The following PTPRM variants were observed in gnomAD, a reference collection of about 807,000 sequenced individuals.
PTPRM encodes the protein receptor-type tyrosine-protein phosphatase mu.
PTPRM carries 47 observed loss-of-function variants against 186.7 expected under a neutral mutation model. The observed-to-expected ratio is 0.25, with a 90% confidence interval of 0.20 to 0.32. The LOEUF is 0.32. Among genes scored for constraint, PTPRM ranks in the 10% least tolerant of loss-of-function variants. The probability of loss-of-function intolerance (pLI) is 1.00; values close to 1 mark genes in which losing one functional copy is unlikely to be tolerated. For missense variants in PTPRM, 1,494 were observed against 1,865.0 expected (o/e 0.80, Z 3.66); for synonymous variants, 668 against 674.9 (o/e 0.99, Z 0.16).
intron 14 of PTPRM, among the ~76,000 whole-genome samples, chr18:8,240,424 A>G (rs1380435870): frequency 7.3e-6 from 1 of 137,754 alleles, no homozygotes; most frequent in African/African-American, 2.7e-5. Flanking sequence ...TGACAGAGCA[A>G]GACTCTGTCT....
chr18:7,781,800 T>C (rs1041375858), intron 2 of PTPRM, among the ~76,000 whole-genome samples: 1 of 152,182 alleles, frequency 6.6e-6, no homozygotes, highest in Non-Finnish European at 1.5e-5. Context: ...GCATTGAATT[T>C]GACATTTTTT....
intron 1 of PTPRM, among the ~76,000 whole-genome samples, chr18:7,659,155 C>A (rs1053815544): frequency 5.4e-5 from 8 of 147,198 alleles, no homozygotes; most frequent in African/African-American, 1.8e-4. Flanking sequence ...CACACACACA[C>A]AATCTCCCTT....
intron 2 of PTPRM, among the ~76,000 whole-genome samples, chr18:7,837,327 A>C (rs1595999): frequency 0.66 from 99,449 of 151,742 alleles, 33,081 homozygotes; most frequent in East Asian, 0.96. Context: ...ATGCTAATTG[A>C]GTTTTTCAGC....
intron 20 of PTPRM, among the ~76,000 whole-genome samples, chr18:8,312,244 C>T (rs1243096259): frequency 6.6e-6 from 1 of 151,862 alleles, no homozygotes; most frequent in East Asian, 1.9e-4. Context: ...ACTGGCTCTC[C>T]TAAGATACAC....
At chr18:8,072,721 A>G (rs1439844150) in intron 8 of PTPRM, among the ~76,000 whole-genome samples, 1 of 152,112 alleles carries the variant, frequency 6.6e-6, no homozygotes. Context: ...TTGTGTGGGA[A>G]AAAATTTACC....
intron 1 of PTPRM, among the ~76,000 whole-genome samples, chr18:7,711,529 G>T (rs2040213168): frequency 6.6e-6 from 1 of 152,180 alleles, no homozygotes; most frequent in Non-Finnish European, 1.5e-5. Flanking sequence ...GAGCCAAGTG[G>T]TCTAGTTCAG....
chr18:8,270,460 G>C (rs1045698045), intron 19 of PTPRM: 5 of 152,076 alleles, frequency 3.3e-5, no homozygotes, highest in African/African-American at 1.2e-4. Context: ...TGCATTGTTG[G>C]TGAGAATGTA....
At chr18:8,144,550 A>G (rs1056066788) in intron 14 of PTPRM, among the ~76,000 whole-genome samples, 1 of 152,028 alleles carries the variant, frequency 6.6e-6, no homozygotes, top group Non-Finnish European at 1.5e-5. Flanking sequence ...TTGAGCTATG[A>G]TCACTCCATG....
chr18:7,995,356 A>C (rs2083478262), intron 7 of PTPRM, among the ~76,000 whole-genome samples: 1 of 152,180 alleles, frequency 6.6e-6, no homozygotes, highest in African/African-American at 2.4e-5. Flanking sequence ...TATAAATTAG[A>C]ATTGAGATGG....
rs113029300 is a variant in PTPRM at position 8,379,477 on chromosome 18, G to T, written c.3786+137G>T. On this transcript the variant is annotated intron_variant, in intron 28 of 32. Transcript: ENST00000580170. ...AAACTTTTTTTTCCAACAAAAAATA[G>T]ATTTCAGATTCCACGTATGTTTTTG... 8.5e-6 allele frequency: 8 copies of T among 940,376 alleles called. No homozygotes were observed. In the African/African-American group the frequency reaches 1.2e-4, roughly 14 times the overall value. 58.3% of individuals were successfully genotyped at this position (940,376 alleles called of 1,614,324 possible).
chr18:8,313,085 G>A (rs73396059), intron 20 of PTPRM, among the ~76,000 whole-genome samples: 2,705 of 152,282 alleles, frequency 0.018, 88 homozygotes, highest in African/African-American at 0.062. Flanking sequence ...TCCAGTGACT[G>A]AGGATAAAAG....
At chr18:8,171,649 T>C (rs772182489) in intron 14 of PTPRM, among the ~76,000 whole-genome samples, 16 of 152,168 alleles carry the variant, frequency 1.1e-4, no homozygotes, top group Non-Finnish European at 1.6e-4. Context: ...AGAAAAATTG[T>C]CTGAATCTGG....
At chr18:8,082,417 T>C (rs1489960081) in intron 9 of PTPRM, among the ~76,000 whole-genome samples, 1 of 152,060 alleles carries the variant, frequency 6.6e-6, no homozygotes, top group Non-Finnish European at 1.5e-5. Flanking sequence ...GAACTCTGGA[T>C]TGGGACATGG....
At chr18:8,202,079 T>C (rs2146851459) in intron 14 of PTPRM, among the ~76,000 whole-genome samples, 2 of 152,318 alleles carry the variant, frequency 1.3e-5, no homozygotes, top group East Asian at 3.9e-4. Flanking sequence ...GAATATTAAA[T>C]GTGTTGTTCA....
chr18:8,346,259 A>C (rs1206522605), intron 23 of PTPRM, among the ~76,000 whole-genome samples: 2 of 152,178 alleles, frequency 1.3e-5, no homozygotes, highest in African/African-American at 2.4e-5. Flanking sequence ...ACCAAATGCC[A>C]CAAGCCAGGA....
rs546179768 is a variant in PTPRM, at chr18:7,864,628, C to T, written c.197-23478C>T. 1.2e-3 allele frequency among the ~76,000 whole-genome samples: 190 copies of T among 152,168 alleles called. 1 individual carries two copies. Among genetic ancestry groups the T allele is most frequent in the African/African-American group, 4.3e-3 (178 of 41,528 alleles). The stretch of plus-strand genomic sequence containing the variant: ...TGTAGTATAGTTGGAAGTCAGGTAG[C>T]GTGATGTCTCCAGCTTTGTTCTTTT... On this transcript the variant is annotated intron_variant, in intron 2 of 32. Coordinates refer to ENST00000580170, the MANE Select transcript of PTPRM (RefSeq NM_001105244.2).
intron 7 of PTPRM, among the ~76,000 whole-genome samples, chr18:7,980,631 A>G (rs903465427): frequency 5.9e-5 from 9 of 151,804 alleles, no homozygotes; most frequent in Admixed American, 5.9e-4. Flanking sequence ...CAGTCCTCCC[A>G]CCTCGGCCTC....
intron 7 of PTPRM, among the ~76,000 whole-genome samples, chr18:7,977,217 G>A (rs1270226278): frequency 1.3e-5 from 2 of 152,082 alleles, no homozygotes; most frequent in Non-Finnish European, 2.9e-5. Context: ...AGCCTCCTGA[G>A]TAGCTGGTAT....
chr18:8,276,151 C>T (rs1248936638), intron 19 of PTPRM, among the ~76,000 whole-genome samples: 2 of 152,034 alleles, frequency 1.3e-5, no homozygotes, highest in Non-Finnish European at 2.9e-5. Flanking sequence ...TTGAAGTCTT[C>T]CCACCCAACC....
Sources: allele counts gnomAD v4.1 joint callset (sites outside exome capture counted in the v4.1 genomes callset), GRCh38; gene constraint gnomAD v4.1.1; transcripts MANE v1.5; gene names NCBI Gene and HGNC (gene_info 2026-07-23, HGNC 2026-07-21).